MAPKAPK3: variants seen among roughly 807,000 people sequenced by gnomAD.
The protein encoded by MAPKAPK3 is MAPK activated protein kinase 3, also known as MAP kinase-activated protein kinase 3.
Under a neutral mutation model 49.2 loss-of-function variants are expected in MAPKAPK3, and 35 were observed. That is an observed-to-expected ratio of 0.71 (90% CI 0.54 to 0.94). MAPKAPK3 has a LOEUF of 0.94. Ranked by LOEUF, MAPKAPK3 falls within the 40% of genes least tolerant of loss-of-function variation. The pLI is 0.00. For synonymous variants in MAPKAPK3, 178 were observed against 188.7 expected, an observed-to-expected ratio of 0.94 and a Z score of 0.46; for missense variants, 398 against 493.1, an observed-to-expected ratio of 0.81 and a Z score of 1.83.
At chr3:50,617,421 C>A (rs1027772520) in intron 1 of MAPKAPK3, 93 bp from the exon 2 acceptor site, 6 of 589,490 alleles carry the variant, frequency 1.0e-5, no homozygotes, top group South Asian at 2.1e-5. Context: ...TCCCAGCTTG[C>A]CCCGGGCTCG....
At chr3:50,633,344 A>G (rs1341489492) in intron 2 of MAPKAPK3, among the ~76,000 whole-genome samples, 2 of 151,648 alleles carry the variant, frequency 1.3e-5, no homozygotes, top group Non-Finnish European at 2.9e-5. Flanking sequence ...CCACGGGCCC[A>G]CACACCCACC....
chr3:50,640,135 C>T (rs1304360714), intron 2 of MAPKAPK3, among the ~76,000 whole-genome samples: 9 of 152,180 alleles, frequency 5.9e-5, no homozygotes, highest in Admixed American at 3.3e-4. Flanking sequence ...CAGCCACCTC[C>T]TACGGACTCC....
chr3:50,612,899 G>A (rs1181884434), upstream of MAPKAPK3: 2 of 152,098 alleles, frequency 1.3e-5, no homozygotes, highest in East Asian at 1.9e-4. Context: ...CCCGTTATGC[G>A]GACAGAAGAC....
In MAPKAPK3 at chr3:50,646,786, G is replaced by T; in HGVS notation, c.876G>T (p.Arg292Ser). The T allele has an allele frequency of 6.2e-7, 1 of 1,614,020 alleles. No individual in the cohort carries two copies. Among genetic ancestry groups the T allele is most frequent in the South Asian group, 1.1e-5 (1 of 91,078 alleles). Reference sequence around the variant, plus strand: ...TGTTGAAGACAGACCCCACAGAGAGGCTGACCATCACTCAGTTCATGAACC... The same window carrying T: ...TGTTGAAGACAGACCCCACAGAGAGTCTGACCATCACTCAGTTCATGAACC... ...RLLLKTDPTE[R>S]LTITQFMNHP... The change falls in exon 9 of 11, where the codon AGG (arginine) becomes AGT (serine). Residue 292 changes from arginine (R) to serine (S), a missense_variant. This residue lies in a region of MAPKAPK3 where 152 missense variants were observed against 177.3 expected (regional missense o/e 0.86). Coordinates refer to ENST00000621469, the MANE Select transcript of MAPKAPK3 (RefSeq NM_001243925.2).
At chr3:50,618,019 G>C (rs1340956366) in intron 2 of MAPKAPK3, among the ~76,000 whole-genome samples, 1 of 152,210 alleles carries the variant, frequency 6.6e-6, no homozygotes, top group Non-Finnish European at 1.5e-5. Context: ...AGTCACTATG[G>C]CTAGAGATGC....
intron 2 of MAPKAPK3, among the ~76,000 whole-genome samples, chr3:50,620,868 C>T (rs1011796284): frequency 6.6e-6 from 1 of 152,198 alleles, no homozygotes; most frequent in African/African-American, 2.4e-5. Flanking sequence ...CTCCTGCTGA[C>T]CTCTTGCTTG....
At chr3:50,615,554 G>A (rs2107566883), upstream of MAPKAPK3, among the ~76,000 whole-genome samples, 1 of 152,326 alleles carries the variant, frequency 6.6e-6, no homozygotes, top group African/African-American at 2.4e-5. Flanking sequence ...TGGGGGCTCT[G>A]TCATGACAGC....
At chr3:50,646,919 C>A in intron 9 of MAPKAPK3, 94 bp downstream of exon 9, 1 of 1,324,652 alleles carries the variant, frequency 7.5e-7, no homozygotes, top group Admixed American at 1.8e-5. Flanking sequence ...GGCCCCAGTG[C>A]AGGGCTGGAA....
intron 2 of MAPKAPK3, among the ~76,000 whole-genome samples, chr3:50,639,957 G>C (rs1020780813): frequency 6.6e-6 from 1 of 152,164 alleles, no homozygotes; most frequent in African/African-American, 2.4e-5. Context: ...CTAGGAAATG[G>C]AACAGCTGTG....
At chr3:50,615,286 A>G (rs145661780), upstream of MAPKAPK3, among the ~76,000 whole-genome samples, 12 of 152,322 alleles carry the variant, frequency 7.9e-5, no homozygotes, top group Non-Finnish European at 1.6e-4. Context: ...AGGGACATCA[A>G]TCCTGGGTCC....
chr3:50,627,387 A>G (rs963082352), intron 2 of MAPKAPK3, among the ~76,000 whole-genome samples: 15 of 152,064 alleles, frequency 9.9e-5, no homozygotes, highest in African/African-American at 3.4e-4. Flanking sequence ...AGGGTGCCCC[A>G]GGATGCCTCT....
chr3:50,644,153 G>A (rs1491000948), intron 5 of MAPKAPK3, among the ~76,000 whole-genome samples: 1 of 152,200 alleles, frequency 6.6e-6, no homozygotes, highest in Non-Finnish European at 1.5e-5. Context: ...TTCCTGCTCC[G>A]AGGCTTTCTA....
chr3:50,643,771 ACC>A (rs1470895204), intron 5 of MAPKAPK3, among the ~76,000 whole-genome samples: 2 of 150,772 alleles, frequency 1.3e-5, no homozygotes, highest in South Asian at 2.1e-4. Context: ...TTCTACCAAC[ACC>A]CCATCCTTCT....
intron 2 of MAPKAPK3, among the ~76,000 whole-genome samples, chr3:50,621,284 C>G (rs1221152951): frequency 6.6e-6 from 1 of 151,884 alleles, no homozygotes; most frequent in Non-Finnish European, 1.5e-5. Context: ...ATGGTAAGAC[C>G]CTTATCTCTA....
At chr3:50,626,620 C>T (rs1302733175) in intron 2 of MAPKAPK3, among the ~76,000 whole-genome samples, 1 of 152,220 alleles carries the variant, frequency 6.6e-6, no homozygotes, top group Non-Finnish European at 1.5e-5. Context: ...GTTCTCCGTG[C>T]TTTCTGGCAG....
At chr3:50,623,181 C>T (rs879155984) in intron 2 of MAPKAPK3, among the ~76,000 whole-genome samples, 2 of 152,170 alleles carry the variant, frequency 1.3e-5, no homozygotes, top group South Asian at 4.1e-4. Context: ...ACTATGCAGC[C>T]GGTACAATAG....
chr3:50,644,848 GTT>G (rs1164552169), intron 6 of MAPKAPK3, among the ~76,000 whole-genome samples: 3 of 152,194 alleles, frequency 2.0e-5, no homozygotes, highest in African/African-American at 2.4e-5. Context: ...AACCGCGGTT[GTT>G]TTTCTCTAGT....
At chr3:50,644,561 C>T (rs745460370) in intron 6 of MAPKAPK3, 29 bp downstream of exon 6, 2 of 1,612,602 alleles carry the variant, frequency 1.2e-6, no homozygotes, top group Admixed American at 3.3e-5. Context: ...AGTTGTAACT[C>T]CTCACCCCAA....
At position 50,647,921 on chromosome 3, in the gene MAPKAPK3, A is replaced by G; in HGVS notation, c.1024A>G (p.Met342Val). 6.2e-7 allele frequency: 1 copy of G among 1,613,914 alleles called. No homozygotes were observed. Among genetic ancestry groups the G allele is most frequent in the African/African-American group, 1.3e-5 (1 of 75,066 alleles). The change falls in exon 11 of 11, where the codon ATG becomes GTG. Residue 342 changes from methionine to valine, a missense_variant. This residue lies in a region of MAPKAPK3 where 152 missense variants were observed against 177.3 expected (regional missense o/e 0.86). Coordinates refer to ENST00000621469, the MANE Select transcript of MAPKAPK3 (RefSeq NM_001243925.2). ...GGAGATGACCAGTGCCTTGGCCACT[A>G]TGCGGGTAGACTACGACCAGGTGAA... ...KEEMTSALAT[M>V]RVDYDQVKIK... is the part of the protein sequence containing the mutation.
Sources: gnomAD v4.1 joint callset for allele counts (sites outside exome capture counted in the v4.1 genomes callset) on GRCh38, gnomAD v4.1.1 for gene constraint, gnomAD v4.1.1 regional missense constraint, MANE v1.5 for transcripts, NCBI Gene and HGNC (gene_info 2026-07-23, HGNC 2026-07-21) for gene names.